SEPTIN12: variants seen among roughly 807,000 people sequenced by gnomAD.
SEPTIN12 encodes the protein septin-12.
SEPTIN12 carries 42 observed loss-of-function variants against 37.7 expected under a neutral mutation model. The observed-to-expected ratio is 1.11, with a 90% CI of 0.87 to 1.44. SEPTIN12 has a LOEUF of 1.44. Ranked by LOEUF, SEPTIN12 falls within the 40% of genes most tolerant of loss-of-function variation. The pLI is 0.00. For missense variants in SEPTIN12, 613 were observed against 479.2 expected (o/e 1.28, Z -2.61); for synonymous variants, 254 against 196.7 (o/e 1.29, Z -2.44).
chr16:4,779,069 C>T (rs1045319632), intron 8 of SEPTIN12, among the ~76,000 whole-genome samples: 4 of 151,812 alleles, frequency 2.6e-5, no homozygotes, highest in South Asian at 2.1e-4. Flanking sequence ...ACCCAGGAGG[C>T]GGAGGTTGCA....
rs748270092 is a variant in SEPTIN12 at position 4,777,882 on chromosome 16, G to T, written c.992C>A (p.Ala331Asp). 1 of 1,598,448 alleles carries T rather than the reference G, an allele frequency of 6.3e-7. No homozygotes were observed. Among genetic ancestry groups the T allele is most frequent in the Admixed American group, 1.8e-5 (1 of 56,622 alleles). ...LPRGPGWVNL[A>D]PASPGQLTTP... Reference sequence around the variant, plus strand: ...GGTCAGCTGTCCTGGGGAGGCCGGGGCCAGGTTCACCCAGCCGGGCCCGCG... The same window carrying T: ...GGTCAGCTGTCCTGGGGAGGCCGGGTCCAGGTTCACCCAGCCGGGCCCGCG... Residue 331 changes from alanine to aspartate, a missense_variant, in exon 10 of 10, where the codon GCC becomes GAC. Transcript: ENST00000268231.
chr16:4,787,762 T>C, intron 1 of SEPTIN12, 95 bp from the exon 2 acceptor site: 1 of 620,628 alleles, frequency 1.6e-6, no homozygotes, highest in Non-Finnish European at 2.8e-6. Flanking sequence ...GCTTGGCCGT[T>C]GGCCAACCCC....
intron 5 of SEPTIN12, 51 bp from the exon 6 acceptor site, chr16:4,783,817 A>G: frequency 1.3e-6 from 2 of 1,581,042 alleles, no homozygotes; most frequent in Non-Finnish European, 1.7e-6. Context: ...GAGTGTATAA[A>G]CGACAGCAGC....
chr16:4,791,057 G>C (rs181279168), upstream of SEPTIN12, among the ~76,000 whole-genome samples: 384 of 152,342 alleles, frequency 2.5e-3, 3 homozygotes, highest in Admixed American at 0.019. Context: ...CGTTTGAGCA[G>C]TAGACGTACC....
chr16:4,783,516 G>C lies in SEPTIN12; in HGVS notation c.672C>G (p.Pro224=), dbSNP rs148933043. ...NLRTHCIDVY[P]QMCFDEDIND... ...TGATGTCCTCGTCAAAGCACATCTG[G>C]GGGTAGACGTCGATGCAGTGGGTCC... Residue 224 remains proline (P), a synonymous_variant, in exon 7 of 10, where the codon CCC becomes CCG. Coordinates refer to ENST00000268231, the MANE Select transcript of SEPTIN12 (RefSeq NM_144605.5). 358 of 1,614,144 alleles carry C rather than the reference G, an allele frequency of 2.2e-4. 2 individuals are homozygous for C. The African/African-American group carries it at 4.2e-3, about 19-fold the overall frequency.
chr16:4,785,929 T>C, intron 3 of SEPTIN12, 41 bp from the exon 4 acceptor site: 1 of 838,624 alleles, frequency 1.2e-6, no homozygotes, highest in Non-Finnish European at 1.7e-6. Context: ...TGGACCCAGG[T>C]GGGATGGGGT....
intron 2 of SEPTIN12, among the ~76,000 whole-genome samples, 179 bp from the exon 3 acceptor site, chr16:4,786,284 C>A (rs1039092749): frequency 6.6e-6 from 1 of 151,920 alleles, no homozygotes; most frequent in Non-Finnish European, 1.5e-5. Flanking sequence ...TAGTGATTCT[C>A]GCACCTCGGC....
chr16:4,779,637 T>C, intron 8 of SEPTIN12, 53 bp downstream of exon 8: 1 of 1,134,168 alleles, frequency 8.8e-7, no homozygotes, highest in East Asian at 2.3e-5. Context: ...CCAAGGCTGC[T>C]CTGGTTTCCA....
At chr16:4,781,757 G>A (rs1454055606) in intron 7 of SEPTIN12, among the ~76,000 whole-genome samples, 2 of 148,892 alleles carry the variant, frequency 1.3e-5, no homozygotes, top group Non-Finnish European at 1.5e-5. Flanking sequence ...TGATTCTCCT[G>A]CCTCAGCCTC....
chr16:4,783,764 A>T lies in SEPTIN12; in HGVS notation c.515T>A (p.Leu172Gln). ...VYFVPPTGHC[L>Q]RPLDIEFLQR... is the part of the protein sequence containing the mutation. The stretch of plus-strand genomic sequence containing the variant: ...CAGGAACTCAATGTCCAGGGGCCGC[A>T]GGCTGCCGGAGGCAGGGCAGTGATG... The change falls in exon 6 of 10, where the codon CTG becomes CAG. Residue 172 changes from leucine (L) to glutamine (Q), a missense_variant and splice_region_variant. Leu to Gln is a moderately radical substitution (Grantham distance 113). Transcript: ENST00000268231. The T allele has an allele frequency of 6.2e-7, 1 of 1,613,200 alleles. No homozygotes were observed.
rs769216893 is a variant in SEPTIN12, at chr16:4,783,402, A to T, written c.726+60T>A. The T allele has an allele frequency of 3.3e-6, 4 of 1,221,424 alleles. No homozygotes were observed. The South Asian group carries it at 3.6e-5, about 11-fold the overall frequency. 75.7% of individuals were successfully genotyped at this position (1,221,424 alleles called of 1,614,324 possible). On this transcript the variant is annotated intron_variant, in intron 7 of 9. Coordinates refer to ENST00000268231, the MANE Select transcript of SEPTIN12 (RefSeq NM_144605.5). ...GATGTAGAGAAAGATGAGTCTTTGG[A>T]TGGAAAGGATGTGTGGGAAGGAAAT...
upstream of SEPTIN12, chr16:4,790,111 C>T (rs2082529027): frequency 6.6e-6 from 1 of 151,582 alleles, no homozygotes; most frequent in Non-Finnish European, 1.5e-5. Flanking sequence ...ATGAGGTCTC[C>T]CTATGTTGCC....
rs138759943 is a variant in SEPTIN12 at position 4,781,093 on chromosome 16, T to C, written c.727-1307A>G. Among the ~76,000 whole-genome samples the C allele has an allele frequency of 4.3e-3, 658 of 151,870 alleles. 4 individuals are homozygous for C. The highest frequency in any genetic ancestry group is 0.015 in the African/African-American group (629 of 41,406). ...GGCTGAAATAGTGAAACCCCATCTC[T>C]ACCAAAAAGACAATAATTAGCCAGG... On this transcript the variant is annotated intron_variant, in intron 7 of 9. Coordinates refer to ENST00000268231, the MANE Select transcript of SEPTIN12 (RefSeq NM_144605.5).
intron 1 of SEPTIN12, 172 bp from the exon 2 acceptor site, chr16:4,787,839 G>A: frequency 3.5e-6 from 2 of 579,608 alleles, no homozygotes; most frequent in South Asian, 2.1e-5. Flanking sequence ...AAGGGTGCCT[G>A]TGGGGAGCTG....
chr16:4,789,417 C>T (rs2141887352), upstream of SEPTIN12, among the ~76,000 whole-genome samples: 3 of 152,126 alleles, frequency 2.0e-5, 1 homozygote, highest in South Asian at 6.2e-4. Flanking sequence ...GCTCTGCCTC[C>T]CGGGTTCACG....
chr16:4,782,423 T>C (rs558021138), intron 7 of SEPTIN12, among the ~76,000 whole-genome samples: 155 of 152,276 alleles, frequency 1.0e-3, no homozygotes, highest in African/African-American at 3.6e-3. Flanking sequence ...CACGTACACA[T>C]TTTTCTGTGA....
At chr16:4,782,431 T>C (rs983792427) in intron 7 of SEPTIN12, among the ~76,000 whole-genome samples, 1 of 152,216 alleles carries the variant, frequency 6.6e-6, no homozygotes, top group African/African-American at 2.4e-5. Context: ...CATTTTTCTG[T>C]GAATGTACAT....
chr16:4,781,551 G>A lies in SEPTIN12; in HGVS notation c.727-1765C>T, dbSNP rs115174876. On this transcript the variant is annotated intron_variant, in intron 7 of 9. Transcript: ENST00000268231. ...TCATATAAATGGAATCCCATAATAC[G>A]TGACCTTTTGTGTCTGACTGATTTT... Among the ~76,000 whole-genome samples the A allele has an allele frequency of 6.1e-3, 930 of 151,946 alleles. 6 individuals carry two copies. The highest frequency in any genetic ancestry group is 0.018 in the African/African-American group (740 of 41,434).
In SEPTIN12 at chr16:4,778,119, C is replaced by CT. The variant is rs1260891719; in HGVS notation, c.841_842insA (p.Cys281Ter). 1.2e-6 allele frequency: 2 copies of CT among 1,614,102 alleles called. No individual in the cohort carries two copies. Among genetic ancestry groups the CT allele is most frequent in the African/African-American group, 2.7e-5 (2 of 74,950 alleles). ...CAGGTCTCTCAGGAGAGGAAATTCA[C>CT]AGTGCGCCATGTTCTCCACTGCAAG... ...GIIEVENMAH[C>*]EFPLLRDLLI... The change falls in exon 9 of 10, where the codon TGT becomes TAGT. Residue 281 changes from cysteine (C) to a stop codon, truncating the protein, a stop_gained and frameshift_variant. Transcript: ENST00000268231. LOFTEE classifies it low-confidence loss of function (END_TRUNC).
Sources: gnomAD v4.1 joint callset for allele counts (sites outside exome capture counted in the v4.1 genomes callset) on GRCh38, gnomAD v4.1.1 for gene constraint, MANE v1.5 for transcripts, NCBI Gene and HGNC (gene_info 2026-07-23, HGNC 2026-07-21) for gene names.